SH3GL3: variants seen among roughly 807,000 people sequenced by gnomAD.
SH3GL3 encodes the protein SH3 domain containing GRB2 like 3, endophilin A3.
A neutral mutation model predicts 47.7 loss-of-function variants in SH3GL3; 33 were observed. The observed-to-expected ratio is 0.69, with a 90% CI of 0.52 to 0.92. SH3GL3 has a LOEUF of 0.92. SH3GL3 is among the 40% of genes least tolerant of loss of function. The probability of loss-of-function intolerance (pLI) is 0.00; values close to 1 mark genes in which losing one functional copy is unlikely to be tolerated. For synonymous variants in SH3GL3, 155 were observed against 148.8 expected (o/e 1.04, Z -0.30); for missense variants, 363 against 417.8 (o/e 0.87, Z 1.14).
intron 1 of SH3GL3, among the ~76,000 whole-genome samples, chr15:83,481,722 C>T (rs748271308): frequency 6.6e-6 from 1 of 152,080 alleles, no homozygotes; most frequent in East Asian, 1.9e-4. Flanking sequence ...TTTCCCCTGA[C>T]AAAACACCTC....
intron 1 of SH3GL3, among the ~76,000 whole-genome samples, chr15:83,538,761 A>G (rs961349954): frequency 6.6e-6 from 1 of 152,188 alleles, no homozygotes; most frequent in Non-Finnish European, 1.5e-5. Flanking sequence ...GCCACAATGT[A>G]ATTATTAATT....
At chr15:83,458,801 T>G (rs2040127103) in intron 1 of SH3GL3, among the ~76,000 whole-genome samples, 1 of 152,226 alleles carries the variant, frequency 6.6e-6, no homozygotes, top group South Asian at 2.1e-4. Context: ...TCTTCTCTCC[T>G]GGATAAATTT....
intron 8 of SH3GL3, chr15:83,609,489 C>T: frequency 2.8e-6 from 1 of 356,310 alleles, no homozygotes; most frequent in Non-Finnish European, 5.5e-6. Flanking sequence ...TGGGAGACTC[C>T]ATACCTTGTA....
At chr15:83,535,856 T>C (rs1341350579) in intron 1 of SH3GL3, among the ~76,000 whole-genome samples, 1 of 152,150 alleles carries the variant, frequency 6.6e-6, no homozygotes, top group African/African-American at 2.4e-5. Context: ...GGGGAAGATA[T>C]CAATCTCATC....
chr15:83,542,712 T>C (rs1309940035), intron 1 of SH3GL3, among the ~76,000 whole-genome samples: 1 of 152,174 alleles, frequency 6.6e-6, no homozygotes, highest in Non-Finnish European at 1.5e-5. Context: ...AGGTATTTTA[T>C]GTAATTTGTA....
intron 1 of SH3GL3, among the ~76,000 whole-genome samples, chr15:83,472,510 G>T (rs1275918738): frequency 2.6e-5 from 4 of 151,944 alleles, no homozygotes; most frequent in African/African-American, 9.7e-5. Flanking sequence ...TGAGATATAG[G>T]CTAATTTTTA....
chr15:83,538,125 G>T (rs375988136), intron 1 of SH3GL3, among the ~76,000 whole-genome samples: 2 of 152,092 alleles, frequency 1.3e-5, no homozygotes, highest in Non-Finnish European at 2.9e-5. Flanking sequence ...TGGGATTTTT[G>T]TTCTCTTGAG....
intron 8 of SH3GL3, among the ~76,000 whole-genome samples, chr15:83,602,477 G>A (rs991970679): frequency 1.3e-5 from 2 of 152,142 alleles, no homozygotes; most frequent in African/African-American, 4.8e-5. Flanking sequence ...GGCAGAAGGG[G>A]CAAACAAGCT....
chr15:83,538,419 G>C (rs2044017405), intron 1 of SH3GL3, among the ~76,000 whole-genome samples: 1 of 152,184 alleles, frequency 6.6e-6, no homozygotes, highest in Non-Finnish European at 1.5e-5. Context: ...CAAGTGTACA[G>C]TATGATGTAT....
chr15:83,518,731 C>A (rs185109630), intron 1 of SH3GL3, among the ~76,000 whole-genome samples: 2 of 152,154 alleles, frequency 1.3e-5, no homozygotes, highest in Non-Finnish European at 2.9e-5. Flanking sequence ...TGTGCAGAAG[C>A]TCTTTAGTTT....
chr15:83,579,832 A>G (rs909793178), intron 6 of SH3GL3, among the ~76,000 whole-genome samples: 2 of 152,074 alleles, frequency 1.3e-5, no homozygotes, highest in African/African-American at 4.8e-5. Context: ...AGAGGGAATC[A>G]CCTGATCCTT....
intron 8 of SH3GL3, among the ~76,000 whole-genome samples, chr15:83,617,631 G>T (rs1413149456): frequency 1.3e-5 from 2 of 152,100 alleles, no homozygotes; most frequent in Non-Finnish European, 2.9e-5. Context: ...AGCCAGGATC[G>T]CACCATTGCA....
chr15:83,532,547 T>G (rs1005668762), intron 1 of SH3GL3, among the ~76,000 whole-genome samples: 1 of 152,184 alleles, frequency 6.6e-6, no homozygotes. Context: ...CCTGAATTTA[T>G]CCTGGGTATG....
the SH3GL3 span, among the ~76,000 whole-genome samples, chr15:83,624,207 G>C: frequency 6.6e-6 from 1 of 152,064 alleles, no homozygotes; most frequent in African/African-American, 2.4e-5. Flanking sequence ...CTCCTCTCTT[G>C]TTTTGCTATA....
intron 1 of SH3GL3, among the ~76,000 whole-genome samples, chr15:83,493,573 C>T (rs1220783961): frequency 6.6e-6 from 1 of 152,160 alleles, no homozygotes; most frequent in African/African-American, 2.4e-5. Flanking sequence ...TCCTCCATTG[C>T]ATCCATCCAT....
At chr15:83,542,018 G>A (rs1156676901) in intron 1 of SH3GL3, among the ~76,000 whole-genome samples, 1 of 152,168 alleles carries the variant, frequency 6.6e-6, no homozygotes, top group Non-Finnish European at 1.5e-5. Context: ...TGTGCTTTTA[G>A]GGTATTACTC....
chr15:83,614,204 G>C (rs533564090), intron 8 of SH3GL3, among the ~76,000 whole-genome samples: 7 of 152,080 alleles, frequency 4.6e-5, no homozygotes, highest in Non-Finnish European at 8.8e-5. Flanking sequence ...CCCATGCTTT[G>C]TTTGAAATCA....
chr15:83,457,052 T>G (rs1213560777), intron 1 of SH3GL3, among the ~76,000 whole-genome samples: 2 of 152,224 alleles, frequency 1.3e-5, no homozygotes, highest in African/African-American at 4.8e-5. Flanking sequence ...ACTCACTGAT[T>G]TGTATTTGTA....
chr15:83,586,963 A>G lies in SH3GL3; in HGVS notation c.625-20A>G, dbSNP rs1420141384. On this transcript the variant is annotated intron_variant, in intron 6 of 8. Transcript: ENST00000427482. The stretch of plus-strand genomic sequence containing the variant: ...CACAGGCTCGGGCCTCCATGGAATA[A>G]TTTTGCACTTCTGCTGCAGGTAGAA... 6.8e-7 allele frequency: 1 copy of G among 1,470,506 alleles called. No individual in the cohort carries two copies. The highest frequency in any genetic ancestry group is 1.4e-5 in the African/African-American group (1 of 71,846). The allele number at this position is 1,470,506 out of a possible 1,614,324, so 91.1% of individuals were successfully genotyped here.
Sources: gnomAD v4.1 joint callset for allele counts (sites outside exome capture counted in the v4.1 genomes callset) on GRCh38, gnomAD v4.1.1 for gene constraint, MANE v1.5 for transcripts, NCBI Gene and HGNC (gene_info 2026-07-23, HGNC 2026-07-21) for gene names.